The following BUD23 variants were observed in gnomAD, a reference collection of about 807,000 sequenced individuals.
BUD23 encodes the protein BUD23 rRNA methyltransferase and ribosome maturation factor.
BUD23 carries 34 observed loss-of-function variants against 47.0 expected under a neutral mutation model. The observed-to-expected ratio is 0.72, with a 90% CI of 0.55 to 0.96. BUD23 has a LOEUF of 0.96. BUD23 is among the 40% of genes least tolerant of loss of function. BUD23 has a pLI of 0.00. For synonymous variants in BUD23, 124 were observed against 132.0 expected (o/e 0.94, Z 0.41); for missense variants, 343 against 361.2 (o/e 0.95, Z 0.41).
chr7:73,687,721 T>A (rs1798032618), intron 5 of BUD23, among the ~76,000 whole-genome samples: 1 of 152,118 alleles, frequency 6.6e-6, no homozygotes, highest in South Asian at 2.1e-4. Context: ...AGCCAGTGCC[T>A]CCCAAACCTG....
intron 2 of BUD23, among the ~76,000 whole-genome samples, chr7:73,685,501 A>G (rs1292911409): frequency 1.3e-5 from 2 of 152,224 alleles, no homozygotes; most frequent in African/African-American, 4.8e-5. Flanking sequence ...CCCAGGCCGA[A>G]GTGCTGCAGT....
chr7:73,690,843 G>T (rs1462576199), intron 5 of BUD23, 73 bp from the exon 6 acceptor site: 1 of 1,206,290 alleles, frequency 8.3e-7, no homozygotes, highest in Non-Finnish European at 1.2e-6. Flanking sequence ...GACGGATGAT[G>T]TCAAGAGGCT....
At chr7:73,697,117 G>A (rs368699625) in intron 10 of BUD23, 2 of 325,324 alleles carry the variant, frequency 6.1e-6, no homozygotes, top group Admixed American at 4.6e-5. Flanking sequence ...AGGGGTCTTC[G>A]GGGTTACCCC....
At chr7:73,687,159 T>G in intron 5 of BUD23, 64 bp downstream of exon 5, 1 of 1,528,444 alleles carries the variant, frequency 6.5e-7, no homozygotes, top group Non-Finnish European at 9.0e-7. Flanking sequence ...TCACTTAGGC[T>G]CTAGTGCAGT....
chr7:73,683,826 CG>C (rs1797824938), intron 2 of BUD23, 22 bp downstream of exon 2: 2 of 1,613,982 alleles, frequency 1.2e-6, no homozygotes, highest in Admixed American at 1.7e-5. Flanking sequence ...CTGAATACTG[CG>C]GGGCGTCCGG....
chr7:73,691,793 T>C (rs1446381586), intron 6 of BUD23, among the ~76,000 whole-genome samples: 4 of 151,806 alleles, frequency 2.6e-5, no homozygotes, highest in Non-Finnish European at 5.9e-5. Flanking sequence ...TTTTAAGAGA[T>C]GGGGTCTACC....
Position 73,686,806 on chromosome 7 carries a change from C to T in BUD23, c.183-12C>T, listed in dbSNP as rs535386236. On this transcript the variant is annotated splice_polypyrimidine_tract_variant and intron_variant, in intron 3 of 11. Transcript: ENST00000265758. ...TGTAAACTGACCCTGAGTGTCTGGT[C>T]ATGTCTTCCAGCTGTGGCACTGGGC... 133 of 1,614,040 alleles carry T rather than the reference C, an allele frequency of 8.2e-5. 1 individual carries two copies. The South Asian group carries it at 1.3e-3, about 16-fold the overall frequency.
At chr7:73,694,142 C>A in intron 10 of BUD23, 92 bp downstream of exon 10, 1 of 1,348,508 alleles carries the variant, frequency 7.4e-7, no homozygotes, top group Non-Finnish European at 1.0e-6. Context: ...CCAAGCCTCT[C>A]AGGTCACATG....
In BUD23 at chr7:73,693,695, G is replaced by A. The variant is rs547845162; in HGVS notation, c.642+26G>A. The A allele has an allele frequency of 1.9e-6, 3 of 1,614,072 alleles. No homozygotes were observed. The South Asian group carries it at 3.3e-5, about 18-fold the overall frequency. On this transcript the variant is annotated intron_variant, in intron 9 of 11. Transcript: ENST00000265758. Reference sequence around the variant, plus strand: ...GTGAGGGACACTGGGTTTGCAGGCAGGCCTGTGTCTTTTGACTTCCAGGCA... The same window carrying A: ...GTGAGGGACACTGGGTTTGCAGGCAAGCCTGTGTCTTTTGACTTCCAGGCA...
chr7:73,696,223 A>C (rs1328377943), intron 10 of BUD23: 1 of 152,206 alleles, frequency 6.6e-6, no homozygotes, highest in African/African-American at 2.4e-5. Context: ...CCATAGGTTT[A>C]TGCTGCCTGA....
At chr7:73,685,831 G>C (rs1257986269) in intron 2 of BUD23, among the ~76,000 whole-genome samples, 1 of 151,704 alleles carries the variant, frequency 6.6e-6, no homozygotes, top group African/African-American at 2.4e-5. Context: ...GGTGGCTCAC[G>C]CCTGTAATCC....
At chr7:73,684,919 G>T (rs370297754) in intron 2 of BUD23, among the ~76,000 whole-genome samples, 6 of 54,898 alleles carry the variant, frequency 1.1e-4, no homozygotes, top group East Asian at 7.2e-4. Context: ...GCAAGACTTT[G>T]TTTCAAAAAA....
At chr7:73,692,882 C>A in intron 7 of BUD23, 1 of 553,568 alleles carries the variant, frequency 1.8e-6, no homozygotes, top group Non-Finnish European at 3.2e-6. Flanking sequence ...TAAGGTGATG[C>A]GACTGATTTC....
Position 73,698,120 on chromosome 7 carries a change from A to C in BUD23, c.*234A>C. 9.4e-6 allele frequency: 2 copies of C among 212,890 alleles called. No homozygotes were observed. The highest frequency in any genetic ancestry group is 1.8e-5 in the Non-Finnish European group (2 of 112,086). The allele number at this position is 212,890 out of a possible 1,614,324, so 13.2% of individuals were successfully genotyped here. A position where few individuals can be genotyped will look rare whatever the true frequency, so the allele number is the denominator to read the frequency against. ...AGACCTGCCTGGGCAACATAATGAA[A>C]CTTCCTTTCCAGGGAGGAAAAAAAA... On this transcript the variant is annotated 3_prime_UTR_variant, in exon 12 of 12. Coordinates refer to ENST00000265758, the MANE Select transcript of BUD23 (RefSeq NM_017528.5).
intron 10 of BUD23, chr7:73,697,324 G>A (rs1001364949): frequency 4.8e-5 from 46 of 966,844 alleles, no homozygotes; most frequent in South Asian, 2.9e-4. Context: ...GCTGCTTCCC[G>A]AAGAGGGAAC....
Position 73,697,997 on chromosome 7 carries a change from A to G in BUD23, c.*111A>G. 1 of 1,210,012 alleles carries G rather than the reference A, an allele frequency of 8.3e-7. No homozygotes were observed. The highest frequency in any genetic ancestry group is 1.1e-6 in the Non-Finnish European group (1 of 902,728). The allele number at this position is 1,210,012 out of a possible 1,614,324, so 75.0% of individuals were successfully genotyped here. On this transcript the variant is annotated 3_prime_UTR_variant, in exon 12 of 12. Coordinates refer to ENST00000265758, the MANE Select transcript of BUD23 (RefSeq NM_017528.5). ...AAGTTATAAAAATGTTTTCTGCAGTAAAAAAAAAGTTCTCTGGGCCGGGCG... is the reference window on the plus strand; with the variant it reads ...AAGTTATAAAAATGTTTTCTGCAGTGAAAAAAAAGTTCTCTGGGCCGGGCG...
At chr7:73,691,542 C>T (rs1798194565) in intron 6 of BUD23, among the ~76,000 whole-genome samples, 1 of 152,168 alleles carries the variant, frequency 6.6e-6, no homozygotes, top group Non-Finnish European at 1.5e-5. Context: ...ATGTTAATTT[C>T]AGTTGTTCAC....
At chr7:73,693,041 C>T (rs1798253647) in intron 7 of BUD23, 2 of 558,756 alleles carry the variant, frequency 3.6e-6, no homozygotes, top group Non-Finnish European at 6.4e-6. Flanking sequence ...ACATGAATGA[C>T]TCTGGATTCC....
rs1554615021 is a variant in BUD23 at position 73,697,452 on chromosome 7, G to C, written c.702-153G>C. The C allele has an allele frequency of 1.2e-5, 18 of 1,540,606 alleles. No homozygotes were observed. In the South Asian group the frequency reaches 2.0e-4, roughly 17 times the overall value. On this transcript the variant is annotated intron_variant, in intron 10 of 11. Coordinates refer to ENST00000265758, the MANE Select transcript of BUD23 (RefSeq NM_017528.5). ...CAGGAAGGAGGGTGTCCAGAGCGGG[G>C]AATTGTGTTATAGGGAAGGTGGAGC... is the stretch of plus-strand genomic sequence containing the variant.
Sources: gnomAD v4.1 joint callset for allele counts (sites outside exome capture counted in the v4.1 genomes callset) on GRCh38, gnomAD v4.1.1 for gene constraint, MANE v1.5 for transcripts, NCBI Gene and HGNC (gene_info 2026-07-23, HGNC 2026-07-21) for gene names.